RUFY3: variants seen among roughly 807,000 people sequenced by gnomAD.
RUFY3 encodes the protein protein RUFY3.
RUFY3 carries 34 observed loss-of-function variants against 84.0 expected under a neutral mutation model. The ratio of observed to expected loss-of-function variants is 0.40; its 90% CI spans 0.31 to 0.54. RUFY3 has a LOEUF of 0.54. Among genes scored for constraint, RUFY3 ranks in the 20% least tolerant of loss-of-function variants. The pLI is 0.39. For missense variants in RUFY3, 507 were observed against 736.8 expected, an observed-to-expected ratio of 0.69 and a Z score of 3.61; for synonymous variants, 242 against 252.9, an observed-to-expected ratio of 0.96 and a Z score of 0.41.
rs373552671 is a variant in RUFY3 at position 70,710,980 on chromosome 4, G to T, written c.358+5686G>T. On this transcript the variant is annotated intron_variant, in intron 1 of 11. Transcript: ENST00000417478. ...CTGGGGAAGCTGAGGCAGGAGAACC[G>T]CTTGAACCCAGGAGGCAGAGGTTAC... Among the ~76,000 whole-genome samples, 7 of 144,994 alleles carry T rather than the reference G, an allele frequency of 4.8e-5. 1 individual carries two copies. The highest frequency in any genetic ancestry group is 4.3e-4 in the Admixed American group (6 of 13,858).
Position 70,765,758 on chromosome 4 carries a change from CTTTTT to C in RUFY3, c.572+1194_572+1198del, listed in dbSNP as rs371482787. Among the ~76,000 whole-genome samples, 8 of 139,898 alleles carry C rather than the reference CTTTTT, an allele frequency of 5.7e-5. No homozygotes were observed. The East Asian group carries it at 1.7e-3, about 29-fold the overall frequency. 91.8% of individuals were successfully genotyped at this position (139,898 alleles called of 152,430 possible). The stretch of plus-strand genomic sequence containing the variant: ...GTGCTATTTTGTCATTTGTTAATAT[CTTTTT>C]TTTTTTTTTTTGAGACAGAGTCTCA... On this transcript the variant is annotated intron_variant, in intron 4 of 17. Coordinates refer to ENST00000381006, the MANE Select transcript of RUFY3 (RefSeq NM_001037442.4).
intron 1 of RUFY3, among the ~76,000 whole-genome samples, chr4:70,723,687 G>A (rs894085484): frequency 1.3e-5 from 2 of 151,872 alleles, no homozygotes; most frequent in African/African-American, 4.8e-5. Context: ...TCCTTATACT[G>A]ATGAAAAAAA....
chr4:70,712,980 A>G (rs1741148795), intron 1 of RUFY3, among the ~76,000 whole-genome samples: 1 of 152,204 alleles, frequency 6.6e-6, no homozygotes, highest in Non-Finnish European at 1.5e-5. Context: ...CACCGTAAGC[A>G]TTAAAAAATT....
intron 14 of RUFY3, among the ~76,000 whole-genome samples, chr4:70,797,850 T>TA (rs1230034401): frequency 3.3e-5 from 5 of 151,012 alleles, no homozygotes; most frequent in Non-Finnish European, 7.4e-5. Context: ...CTCAAAAAAA[T>TA]AAAAAAATAA....
chr4:70,714,782 A>G (rs1344006961), intron 1 of RUFY3, among the ~76,000 whole-genome samples: 5 of 152,178 alleles, frequency 3.3e-5, no homozygotes, highest in African/African-American at 9.6e-5. Flanking sequence ...ATTTAGTTTC[A>G]TTTTACAACT....
intron 1 of RUFY3, among the ~76,000 whole-genome samples, chr4:70,725,867 C>G (rs532407018): frequency 6.6e-6 from 1 of 152,308 alleles, no homozygotes; most frequent in South Asian, 2.1e-4. Flanking sequence ...GCACAGAGGG[C>G]TTCTGTTTGG....
intron 6 of RUFY3, among the ~76,000 whole-genome samples, chr4:70,774,252 A>G (rs1727458152): frequency 6.6e-6 from 1 of 152,010 alleles, no homozygotes. Flanking sequence ...TCTTTTGTCT[A>G]CTACAGATTA....
rs1173813795 is a variant in RUFY3 at position 70,755,002 on chromosome 4, G to A, written c.179-7517G>A. Reference sequence around the variant, plus strand: ...CACTGCAACCTCCGCTTCCCGGGTTGAAGCGATTCTCCTGCCTCAGTCTCC... The same window carrying A: ...CACTGCAACCTCCGCTTCCCGGGTTAAAGCGATTCTCCTGCCTCAGTCTCC... On this transcript the variant is annotated intron_variant, in intron 1 of 17. Coordinates refer to ENST00000381006, the MANE Select transcript of RUFY3 (RefSeq NM_001037442.4). Among the ~76,000 whole-genome samples, 6 of 151,590 alleles carry A rather than the reference G, an allele frequency of 4.0e-5. No homozygotes were observed. The South Asian group carries it at 6.3e-4, about 16-fold the overall frequency.
At chr4:70,755,671 G>T (rs1723881760) in intron 1 of RUFY3, among the ~76,000 whole-genome samples, 1 of 152,222 alleles carries the variant, frequency 6.6e-6, no homozygotes, top group Non-Finnish European at 1.5e-5. Flanking sequence ...GAACATTGAG[G>T]TCGGGTACGG....
At chr4:70,715,368 G>A (rs886604252) in intron 1 of RUFY3, among the ~76,000 whole-genome samples, 1 of 152,024 alleles carries the variant, frequency 6.6e-6, no homozygotes, top group Non-Finnish European at 1.5e-5. Flanking sequence ...TGGATCTCTC[G>A]AGGTCAGGAG....
chr4:70,716,856 AAAAAAG>A lies in RUFY3; in HGVS notation c.358+11567_358+11572del, dbSNP rs1285099335. ...ACAAAACTCTGTCTCAAAAAAAAAA[AAAAAAG>A]AAAAGAAAAGAAAAAATACGCATTG... On this transcript the variant is annotated intron_variant, in intron 1 of 11. Coordinates refer to the RUFY3 transcript ENST00000417478. Among the ~76,000 whole-genome samples, 508 of 151,518 alleles carry A rather than the reference AAAAAAG, an allele frequency of 3.4e-3. 3 individuals carry two copies. The highest frequency in any genetic ancestry group is 0.012 in the African/African-American group (484 of 41,328).
Position 70,806,517 on chromosome 4 carries a change from ATGTG to A in RUFY3, c.1725_1728del (p.Cys576ArgfsTer35). ...CCGCCTAACCTCCTCTTCTCATAGA[ATGTG>A]TGTAAGAACTGCAGCGGAACCTTCT... On this transcript the variant is annotated frameshift_variant and splice_region_variant, in exon 18 of 18. Transcript: ENST00000381006. LOFTEE classifies it low-confidence loss of function (END_TRUNC). 1.2e-6 allele frequency: 2 copies of A among 1,614,140 alleles called. No individual in the cohort carries two copies. The highest frequency in any genetic ancestry group is 1.7e-6 in the Non-Finnish European group (2 of 1,179,994).
intron 13 of RUFY3, among the ~76,000 whole-genome samples, chr4:70,794,113 G>T (rs937469942): frequency 6.6e-6 from 1 of 152,122 alleles, no homozygotes; most frequent in African/African-American, 2.4e-5. Flanking sequence ...GGAAATTAGA[G>T]CCCAAGATCC....
intron 12 of RUFY3, among the ~76,000 whole-genome samples, chr4:70,790,790 T>C (rs1249020049): frequency 6.6e-6 from 1 of 152,222 alleles, no homozygotes; most frequent in African/African-American, 2.4e-5. Context: ...TCAGTAGATA[T>C]ATGAATGAAT....
In RUFY3 at chr4:70,794,718, A is replaced by G. The variant is rs537990964; in HGVS notation, c.1458-77A>G. ...TTCGTAATTACTGCACTTTAAGACA[A>G]GGGGTTGGCATTCTTTAGAGAATAT... On this transcript the variant is annotated intron_variant, in intron 13 of 17. Transcript: ENST00000381006. The G allele has an allele frequency of 4.0e-5, 36 of 904,180 alleles. No individual in the cohort carries two copies. In the East Asian group the frequency reaches 8.0e-4, roughly 20 times the overall value. The allele number at this position is 904,180 out of a possible 1,614,324, so 56.0% of individuals were successfully genotyped here.
At position 70,722,470 on chromosome 4, in the gene RUFY3, T is replaced by G; in HGVS notation, c.-104T>G. ...TTTCCTGAAAGCTTTGTTTCAGAGCTTTGTATTGGGTTTTTTTGGTGAGGA... is the reference window on the plus strand; with the variant it reads ...TTTCCTGAAAGCTTTGTTTCAGAGCGTTGTATTGGGTTTTTTTGGTGAGGA... On this transcript the variant is annotated 5_prime_UTR_variant, in exon 1 of 18. Coordinates refer to ENST00000381006, the MANE Select transcript of RUFY3 (RefSeq NM_001037442.4). The G allele has an allele frequency of 1.4e-6, 2 of 1,440,428 alleles. No individual in the cohort carries two copies. Among genetic ancestry groups the G allele is most frequent in the Middle Eastern group, 2.7e-4 (1 of 3,762 alleles). 89.2% of individuals were successfully genotyped at this position (1,440,428 alleles called of 1,614,324 possible).
chr4:70,731,063 G>A lies in RUFY3; in HGVS notation c.178+8312G>A, dbSNP rs1443243136. On this transcript the variant is annotated intron_variant, in intron 1 of 17. Transcript: ENST00000381006. ...ATCTTTTTTTTTTTTTTTTTGAGAC[G>A]GAGTCTCGCTCTTGTCCAGGCTGGA... 2.0e-5 allele frequency among the ~76,000 whole-genome samples: 3 copies of A among 148,262 alleles called. 1 individual carries two copies. Among genetic ancestry groups the A allele is most frequent in the South Asian group, 2.1e-4 (1 of 4,688 alleles).
intron 1 of RUFY3, among the ~76,000 whole-genome samples, chr4:70,746,250 A>G (rs1446768690): frequency 6.6e-6 from 1 of 151,892 alleles, no homozygotes; most frequent in Non-Finnish European, 1.5e-5. Flanking sequence ...AGTCTGAGGC[A>G]CGAGAATCGC....
rs1365351243 is a variant in RUFY3 at position 70,722,537 on chromosome 4, GTGTC to G, written c.-33_-30del. The G allele has an allele frequency of 1.1e-5, 17 of 1,596,658 alleles. No individual in the cohort carries two copies. Among genetic ancestry groups the G allele is most frequent in the South Asian group, 2.2e-5 (2 of 89,072 alleles). On this transcript the variant is annotated 5_prime_UTR_variant, in exon 1 of 18. Coordinates refer to ENST00000381006, the MANE Select transcript of RUFY3 (RefSeq NM_001037442.4). ...TTGGTGTGTGTGTGTGAGTGTGTGT[GTGTC>G]TGTGTGTGTGTTGTGGTCCCAGCTG...
Sources: gnomAD v4.1 joint callset for allele counts (sites outside exome capture counted in the v4.1 genomes callset) on GRCh38, gnomAD v4.1.1 for gene constraint, MANE v1.5 for transcripts, NCBI Gene and HGNC (gene_info 2026-07-23, HGNC 2026-07-21) for gene names.